The following INPP5D variants were observed in gnomAD, a reference collection of about 807,000 sequenced individuals.
INPP5D encodes inositol polyphosphate-5-phosphatase D.
A neutral mutation model predicts 122.9 loss-of-function variants in INPP5D; 33 were observed. That is an observed-to-expected ratio of 0.27 (90% CI 0.20 to 0.36). The LOEUF is 0.36. Ranked by LOEUF, INPP5D falls within the 10% of genes least tolerant of loss-of-function variation. The pLI is 1.00. For missense variants in INPP5D, 1,053 were observed against 1,412.7 expected (o/e 0.75, Z 4.08); for synonymous variants, 584 against 576.2 (o/e 1.01, Z -0.19).
At chr2:233,126,943 G>A (rs1431246955) in intron 4 of INPP5D, among the ~76,000 whole-genome samples, 2 of 151,440 alleles carry the variant, frequency 1.3e-5, no homozygotes, top group African/African-American at 2.4e-5. Context: ...ATTCCACATC[G>A]AGCCCATTGT....
In INPP5D at chr2:233,125,847, G is replaced by A. The variant is rs758777451; in HGVS notation, c.452G>A (p.Arg151Gln). ...KEVPFSNENP[R>Q]ATETSRPSLS... ...GTTCCTTTTTCAAACGAGAATCCCC[G>A]AGCGACCGAGACCAGCCGGCCGAGC... The change falls in exon 4 of 27, where the codon CGA (arginine) becomes CAA (glutamine). Residue 151 changes from arginine (R) to glutamine (Q), a missense_variant. Physicochemically the swap from Arg to Gln is conservative, Grantham distance 43. Transcript: ENST00000445964. 8 of 1,613,616 alleles carry A rather than the reference G, an allele frequency of 5.0e-6. No homozygotes were observed. The highest frequency in any genetic ancestry group is 4.5e-5 in the East Asian group (2 of 44,866).
At chr2:233,139,354 G>A (rs904172429) in intron 5 of INPP5D, among the ~76,000 whole-genome samples, 4 of 152,244 alleles carry the variant, frequency 2.6e-5, no homozygotes, top group Admixed American at 6.5e-5. Context: ...GGGCTGCTAG[G>A]AGGGGATTTG....
chr2:233,098,936 T>TTTTTTTTATTTATTTATTTA (rs140094850), intron 2 of INPP5D, among the ~76,000 whole-genome samples: 53 of 145,986 alleles, frequency 3.6e-4, no homozygotes, highest in African/African-American at 1.2e-3. Flanking sequence ...GGAACTTTAT[T>TTTTTTTTATTTATTTATTTA]TTTATTTATT....
chr2:233,164,297 C>A lies in INPP5D; in HGVS notation c.1438-10C>A. 6.5e-7 allele frequency: 1 copy of A among 1,546,370 alleles called. No homozygotes were observed. The highest frequency in any genetic ancestry group is 1.2e-5 in the South Asian group (1 of 83,304). On this transcript the variant is annotated splice_polypyrimidine_tract_variant and intron_variant, in intron 12 of 26. Coordinates refer to ENST00000445964, the MANE Select transcript of INPP5D (RefSeq NM_001017915.3). The surrounding 1 kb of genome is among the most constrained non-coding windows in gnomAD (Gnocchi z 4.3). ...TTGGGCCGAGTATTGCAACGTTGTC[C>A]TCCCACCAGGTCGCCATCCACACGC...
Position 233,147,522 on chromosome 2 carries a change from G to A in INPP5D, c.958G>A (p.Val320Ile), listed in dbSNP as rs997884700. The A allele has an allele frequency of 3.0e-5, 21 of 704,148 alleles. No individual in the cohort carries two copies. The highest frequency in any genetic ancestry group is 8.7e-5 in the African/African-American group (5 of 57,244). 43.6% of individuals were successfully genotyped at this position (704,148 alleles called of 1,614,324 possible). A position where few individuals can be genotyped will look rare whatever the true frequency, so the allele number is the denominator to read the frequency against. The change falls in exon 9 of 27, where the codon GTT (valine) becomes ATT (isoleucine). Residue 320 changes from valine (V) to isoleucine (I), a missense_variant. Transcript: ENST00000445964. Reference protein sequence around the residue: ...IPQKMQLKVDVESGKLIIKKS... With the variant: ...IPQKMQLKVDIESGKLIIKKS... ...TCAGAAAATGCAGCTCAAAGTCGAC[G>A]TTGAGTCTGGGAAACTGATCATTAA...
intron 10 of INPP5D, among the ~76,000 whole-genome samples, chr2:233,159,620 G>T: frequency 6.8e-6 from 1 of 146,612 alleles, no homozygotes; most frequent in Admixed American, 7.0e-5. Context: ...CTTGAACCCA[G>T]GAGTTTGAGG....
chr2:233,153,480 A>G (rs1055168273), intron 9 of INPP5D, among the ~76,000 whole-genome samples: 3 of 152,196 alleles, frequency 2.0e-5, no homozygotes, highest in Non-Finnish European at 4.4e-5. Flanking sequence ...TGAAAGCCGG[A>G]AAGGAGATGG....
intron 25 of INPP5D, among the ~76,000 whole-genome samples, chr2:233,201,204 A>G (rs1695331478): frequency 6.6e-6 from 1 of 152,134 alleles, no homozygotes; most frequent in Admixed American, 6.6e-5. Flanking sequence ...GACAAAAGGC[A>G]CTATTCAGTG....
intron 1 of INPP5D, among the ~76,000 whole-genome samples, chr2:233,063,692 C>T (rs1156678620): frequency 1.3e-5 from 2 of 152,274 alleles, no homozygotes; most frequent in Middle Eastern, 3.2e-3. Flanking sequence ...CCCTGCTTGA[C>T]AGGGAGCCTG....
At chr2:233,147,324 C>A in intron 8 of INPP5D, 147 bp from the exon 9 acceptor site, 1 of 605,676 alleles carries the variant, frequency 1.7e-6, no homozygotes, top group Non-Finnish European at 3.0e-6. Context: ...CATGCACGTG[C>A]GCCGCTGGGG....
At chr2:233,196,005 T>A (rs1695173725) in intron 24 of INPP5D, among the ~76,000 whole-genome samples, 1 of 152,090 alleles carries the variant, frequency 6.6e-6, no homozygotes, top group Non-Finnish European at 1.5e-5. Context: ...GGTGTAGTAG[T>A]CCTAACTACT....
intron 13 of INPP5D, among the ~76,000 whole-genome samples, chr2:233,167,207 CAAAAA>C (rs565735597): frequency 9.8e-6 from 1 of 102,188 alleles, no homozygotes; most frequent in African/African-American, 4.2e-5. Flanking sequence ...ACCATTTCTA[CAAAAA>C]AAAAAAAAAA....
At chr2:233,139,024 G>A (rs1223875906) in intron 5 of INPP5D, among the ~76,000 whole-genome samples, 1 of 151,998 alleles carries the variant, frequency 6.6e-6, no homozygotes, top group Admixed American at 6.6e-5. Context: ...AAAGTGCTGG[G>A]ATTACAGGCG....
chr2:233,204,313 A>G lies in INPP5D; in HGVS notation c.3163A>G (p.Ile1055Val), dbSNP rs942602574. The G allele has an allele frequency of 5.0e-6, 8 of 1,611,980 alleles. No homozygotes were observed. Among genetic ancestry groups the G allele is most frequent in the Non-Finnish European group, 6.8e-6 (8 of 1,179,340 alleles). ...ACCCCCGCCCTGCCCGGAACCCGGC[A>G]TCTTGTCGCCCAGCATCGTGCTCAC... ...KEPPPCPEPG[I>V]LSPSIVLTKA... is the part of the protein sequence containing the mutation. The change falls in exon 26 of 27, where the codon ATC becomes GTC. Residue 1055 changes from isoleucine (I) to valine (V), a missense_variant. By Grantham distance (29) the Ile-to-Val change is conservative. This residue lies in a region of INPP5D where 417 missense variants were observed against 425.8 expected (regional missense o/e 0.98). Transcript: ENST00000445964.
intron 9 of INPP5D, among the ~76,000 whole-genome samples, chr2:233,154,714 C>A (rs937436029): frequency 4.6e-5 from 7 of 152,208 alleles, no homozygotes; most frequent in African/African-American, 7.2e-5. Flanking sequence ...AAATTTACTT[C>A]ATCTAAATGG....
Position 233,206,929 on chromosome 2 carries a change from CAACA to C in INPP5D, c.*226_*229del. ...GGAAGAAAAACGCACACCAGACGGGCAACAAACAGTCTGGGTCCCCAGCTCGCTC... is the reference window on the plus strand; with the variant it reads ...GGAAGAAAAACGCACACCAGACGGGCAACAGTCTGGGTCCCCAGCTCGCTC... On this transcript the variant is annotated 3_prime_UTR_variant, in exon 27 of 27. Transcript: ENST00000445964. This position sits in a 1 kb window ranked among gnomAD's most constrained non-coding sequence, Gnocchi z 4.0. 5 of 538,920 alleles carry C rather than the reference CAACA, an allele frequency of 9.3e-6. No homozygotes were observed. The highest frequency in any genetic ancestry group is 1.3e-5 in the Non-Finnish European group (4 of 299,058). The allele number at this position is 538,920 out of a possible 1,614,324, so 33.4% of individuals were successfully genotyped here.
In INPP5D at chr2:233,170,389, T is replaced by C; in HGVS notation, c.1792-107T>C. 2 of 1,535,008 alleles carry C rather than the reference T, an allele frequency of 1.3e-6. 1 individual carries two copies. The highest frequency in any genetic ancestry group is 1.8e-6 in the Non-Finnish European group (2 of 1,136,266). ...AACTGTCACAGCCACCCTGCCACCATCACTCTGCAGCCCGGGTCATCCAGC... is the reference window on the plus strand; with the variant it reads ...AACTGTCACAGCCACCCTGCCACCACCACTCTGCAGCCCGGGTCATCCAGC... On this transcript the variant is annotated intron_variant, in intron 15 of 26. Coordinates refer to ENST00000445964, the MANE Select transcript of INPP5D (RefSeq NM_001017915.3). The surrounding 1 kb of genome is among the most constrained non-coding windows in gnomAD (Gnocchi z 4.5).
At chr2:233,205,730 T>G (rs1471069895) in intron 26 of INPP5D, 1 of 152,028 alleles carries the variant, frequency 6.6e-6, no homozygotes, top group Non-Finnish European at 1.5e-5. Flanking sequence ...CAGCACACTT[T>G]CCCTCTCCTT....
chr2:233,146,520 G>A (rs1332842442), intron 8 of INPP5D, 82 bp downstream of exon 8: 5 of 700,200 alleles, frequency 7.1e-6, no homozygotes, highest in African/African-American at 1.7e-5. Context: ...TGTGGAAAGA[G>A]GGATTGGGGC....
Sources: gnomAD v4.1 joint callset for allele counts (sites outside exome capture counted in the v4.1 genomes callset) on GRCh38, gnomAD v4.1.1 for gene constraint, gnomAD v4.1.1 regional missense constraint, Gnocchi (gnomAD v3.1) non-coding constraint, MANE v1.5 for transcripts, NCBI Gene and HGNC (gene_info 2026-07-23, HGNC 2026-07-21) for gene names.